The following ESRP1 variants were observed in gnomAD, a reference collection of about 807,000 sequenced individuals.
ESRP1 encodes the protein RNA-binding motif protein 35A.
A neutral mutation model predicts 81.7 loss-of-function variants in ESRP1; 33 were observed. The ratio of observed to expected loss-of-function variants is 0.40; its 90% CI spans 0.31 to 0.54. The LOEUF (loss-of-function observed/expected upper bound fraction) is 0.54. ESRP1 is among the 20% of genes least tolerant of loss of function. The pLI is 0.41. For synonymous variants in ESRP1, 320 were observed against 303.3 expected, an observed-to-expected ratio of 1.06 and a Z score of -0.57; for missense variants, 672 against 833.1, an observed-to-expected ratio of 0.81 and a Z score of 2.38.
At chr8:94,684,416 C>T (rs190396782) in intron 13 of ESRP1, among the ~76,000 whole-genome samples, 45 of 152,194 alleles carry the variant, frequency 3.0e-4, no homozygotes, top group Admixed American at 2.4e-3. Flanking sequence ...TGAAGAATCT[C>T]GAAAAGTTAA....
At chr8:94,685,431 G>T (rs1431502667) in intron 13 of ESRP1, among the ~76,000 whole-genome samples, 1 of 152,174 alleles carries the variant, frequency 6.6e-6, no homozygotes, top group Non-Finnish European at 1.5e-5. Context: ...CCAGTGGGCT[G>T]TGCGGGAGCT....
intron 13 of ESRP1, among the ~76,000 whole-genome samples, chr8:94,685,643 TA>T (rs1424201227): frequency 1.3e-5 from 2 of 151,362 alleles, no homozygotes; most frequent in East Asian, 3.9e-4. Flanking sequence ...TCTGAAAAAA[TA>T]AAAAAATTAG....
chr8:94,654,849 T>G (rs1031158526), intron 4 of ESRP1, among the ~76,000 whole-genome samples: 2 of 151,470 alleles, frequency 1.3e-5, no homozygotes, highest in Non-Finnish European at 2.9e-5. Context: ...GAGGATCACT[T>G]GAGCCCAGGA....
At chr8:94,641,732 C>A in intron 1 of ESRP1, 1 of 743,458 alleles carries the variant, frequency 1.3e-6, no homozygotes, top group Non-Finnish European at 2.0e-6. Flanking sequence ...GAGGTGGGGT[C>A]TCGGAGGCCC....
intron 15 of ESRP1, chr8:94,705,695 A>G: frequency 2.0e-6 from 1 of 509,246 alleles, no homozygotes; most frequent in South Asian, 2.6e-5. Flanking sequence ...GTGGTGCAGA[A>G]CGCCAACTAC....
intron 4 of ESRP1, among the ~76,000 whole-genome samples, chr8:94,651,016 T>C (rs1461758315): frequency 6.6e-6 from 1 of 152,144 alleles, no homozygotes; most frequent in Non-Finnish European, 1.5e-5. Flanking sequence ...AGGTTTTTTA[T>C]TTATTTTGGT....
chr8:94,697,706 C>G (rs1809659333), intron 15 of ESRP1, among the ~76,000 whole-genome samples: 1 of 152,144 alleles, frequency 6.6e-6, no homozygotes, highest in Admixed American at 6.6e-5. Flanking sequence ...TTGGTGTGTA[C>G]CCAGGAGTAT....
intron 15 of ESRP1, among the ~76,000 whole-genome samples, chr8:94,700,959 G>GTGTGTA (rs1211868796): frequency 1.3e-4 from 14 of 108,470 alleles, no homozygotes; most frequent in African/African-American, 7.2e-4. Context: ...GTGTATGTGT[G>GTGTGTA]TGTGTGTGTG....
chr8:94,641,524 G>C (rs1817587391), intron 1 of ESRP1, 74 bp downstream of exon 1: 8 of 1,595,900 alleles, frequency 5.0e-6, no homozygotes, highest in Admixed American at 3.3e-5. Flanking sequence ...GGCGGGGAGG[G>C]GGGTGGAGGT....
chr8:94,659,518 A>G (rs1258649695), intron 4 of ESRP1, among the ~76,000 whole-genome samples: 1 of 152,088 alleles, frequency 6.6e-6, no homozygotes, highest in African/African-American at 2.4e-5. Context: ...AAGCCAATTA[A>G]CCCTACAACA....
chr8:94,651,551 C>T (rs1325634473), intron 4 of ESRP1, among the ~76,000 whole-genome samples: 1 of 152,044 alleles, frequency 6.6e-6, no homozygotes, highest in African/African-American at 2.4e-5. Flanking sequence ...AAAATGAAAG[C>T]TTTGTAAGTG....
rs1563530767 is a variant in ESRP1, at chr8:94,668,126, CAG to C, written c.1110_1111del (p.Asp372ArgfsTer8). On this transcript the variant is annotated frameshift_variant, in exon 10 of 16. Transcript: ENST00000433389. LOFTEE classifies it high-confidence loss of function. ...GTCACCTACCCAGATGGTAGGCCAA[CAG>C]GGGACGCTTTTGTCCTCTTTGCCTG... The C allele has an allele frequency of 6.2e-7, 1 of 1,614,014 alleles. No individual in the cohort carries two copies. Among genetic ancestry groups the C allele is most frequent in the Non-Finnish European group, 8.5e-7 (1 of 1,179,892 alleles).
intron 13 of ESRP1, among the ~76,000 whole-genome samples, chr8:94,684,666 A>G (rs1395324297): frequency 6.6e-6 from 1 of 152,160 alleles, no homozygotes; most frequent in Non-Finnish European, 1.5e-5. Flanking sequence ...ATATGTAGTC[A>G]CTCATTCAGA....
chr8:94,693,750 G>A (rs1305752473), intron 14 of ESRP1, among the ~76,000 whole-genome samples: 1 of 152,174 alleles, frequency 6.6e-6, no homozygotes, highest in Non-Finnish European at 1.5e-5. Flanking sequence ...TGTCTGTAGA[G>A]GCTATTTGGT....
At chr8:94,656,449 C>T (rs1427102059) in intron 4 of ESRP1, among the ~76,000 whole-genome samples, 1 of 151,726 alleles carries the variant, frequency 6.6e-6, no homozygotes, top group Non-Finnish European at 1.5e-5. Context: ...TCTCGATCTC[C>T]TGACCTTGTG....
intron 4 of ESRP1, among the ~76,000 whole-genome samples, chr8:94,661,522 C>T (rs1335707764): frequency 6.6e-6 from 1 of 152,038 alleles, no homozygotes; most frequent in Non-Finnish European, 1.5e-5. Context: ...ACCATATTTT[C>T]AAGGTATGCC....
At position 94,665,009 on chromosome 8, in the gene ESRP1, G is replaced by A. The variant is rs768764209; in HGVS notation, c.838G>A (p.Asp280Asn). ...TAGGTTTGTAAGTGAGGAGCACCGA[G>A]ACCTAGCACTACAGAGGCACAAACA... ...LVRFVSEEHR[D>N]LALQRHKHHM... Residue 280 changes from aspartate to asparagine, a missense_variant, in exon 8 of 16, where the codon GAC (aspartate) becomes AAC (asparagine). Physicochemically the swap from Asp to Asn is conservative, Grantham distance 23 (BLOSUM62 1). Transcript: ENST00000433389. 1 of 1,612,162 alleles carries A rather than the reference G, an allele frequency of 6.2e-7. No individual in the cohort carries two copies. Among genetic ancestry groups the A allele is most frequent in the Non-Finnish European group, 8.5e-7 (1 of 1,179,270 alleles).
chr8:94,667,319 A>G (rs1362650847), intron 9 of ESRP1, among the ~76,000 whole-genome samples: 1 of 152,006 alleles, frequency 6.6e-6, no homozygotes, highest in African/African-American at 2.4e-5. Context: ...TTGCTATATG[A>G]CAACACTGTA....
rs189969677 is a variant in ESRP1, at chr8:94,674,576, C to A, written c.1651+70C>A. On this transcript the variant is annotated intron_variant, in intron 12 of 15. Coordinates refer to ENST00000433389, the MANE Select transcript of ESRP1 (RefSeq NM_017697.4). ...GTAGGTGCTTAAGCTGCTTTCGTAACTTTCTGTGCCCCTGGTTCTTTCTGA... is the reference window on the plus strand; with the variant it reads ...GTAGGTGCTTAAGCTGCTTTCGTAAATTTCTGTGCCCCTGGTTCTTTCTGA... 92 of 1,406,692 alleles carry A rather than the reference C, an allele frequency of 6.5e-5. No individual in the cohort carries two copies. In the East Asian group the frequency reaches 2.1e-3, roughly 31 times the overall value. The allele number at this position is 1,406,692 out of a possible 1,614,324, so 87.1% of individuals were successfully genotyped here. A position where few individuals can be genotyped will look rare whatever the true frequency, so the allele number is the denominator to read the frequency against.
Sources: allele counts gnomAD v4.1 joint callset (sites outside exome capture counted in the v4.1 genomes callset), GRCh38; gene constraint gnomAD v4.1.1; transcripts MANE v1.5; gene names NCBI Gene and HGNC (gene_info 2026-07-23, HGNC 2026-07-21).